AGR3: variants seen among roughly 807,000 people sequenced by gnomAD.
AGR3 encodes the protein anterior gradient 3, protein disulphide isomerase family member.
In AGR3, 37 loss-of-function variants were observed where a neutral mutation model predicts 24.5. The ratio of observed to expected loss-of-function variants is 1.51; its 90% CI spans 1.16 to 1.99. The LOEUF (loss-of-function observed/expected upper bound fraction) is 1.99, where lower values mean the gene tolerates loss of function less well. AGR3 is among the 30% of genes most tolerant of loss of function. AGR3 has a pLI of 0.00. For missense variants in AGR3, 228 were observed against 191.1 expected, an observed-to-expected ratio of 1.19 and a Z score of -1.14; for synonymous variants, 75 against 61.6, an observed-to-expected ratio of 1.22 and a Z score of -1.02.
downstream of AGR3, among the ~76,000 whole-genome samples, chr7:16,856,975 G>A (rs1031782736): frequency 2.9e-5 from 3 of 103,710 alleles, no homozygotes; most frequent in African/African-American, 1.3e-4. Context: ...AATATAGAAA[G>A]GTTTTTTTTT....
chr7:16,875,019 G>A (rs1032000469), intron 2 of AGR3, among the ~76,000 whole-genome samples: 5 of 151,764 alleles, frequency 3.3e-5, no homozygotes, highest in African/African-American at 9.7e-5. Flanking sequence ...GGGAGGCTGA[G>A]GCAGGAGAAT....
At chr7:16,860,640 T>C in intron 6 of AGR3, 57 bp from the exon 7 acceptor site, 1 of 1,252,890 alleles carries the variant, frequency 8.0e-7, no homozygotes, top group East Asian at 2.3e-5. Context: ...TTTTCTTTAC[T>C]CTTGTAAAAA....
chr7:16,878,678 T>C lies in AGR3; in HGVS notation c.-27-33A>G. 5 of 1,406,134 alleles carry C rather than the reference T, an allele frequency of 3.6e-6. No individual in the cohort carries two copies. In the South Asian group the frequency reaches 5.8e-5, roughly 16 times the overall value. 87.1% of individuals were successfully genotyped at this position (1,406,134 alleles called of 1,614,324 possible). ...ACAGAAAGGAATTCTCAGAATCCAG[T>C]GAATTACTTCAAGCTATTATTAGAA... is the stretch of plus-strand genomic sequence containing the variant. On this transcript the variant is annotated intron_variant, in intron 1 of 7. Transcript: ENST00000310398.
At chr7:16,881,665 TAAAAG>T (rs1782118847) in intron 1 of AGR3, among the ~76,000 whole-genome samples, 1 of 152,178 alleles carries the variant, frequency 6.6e-6, no homozygotes, top group Non-Finnish European at 1.5e-5. Context: ...AAACAAGACT[TAAAAG>T]AATATAAAGA....
chr7:16,857,846 G>A (rs1409969476), downstream of AGR3, among the ~76,000 whole-genome samples: 1 of 151,968 alleles, frequency 6.6e-6, no homozygotes, highest in East Asian at 1.9e-4. Context: ...CTCATCAAAT[G>A]TTGAAATTAC....
Position 16,873,922 on chromosome 7 carries a change from T to C in AGR3, c.110-79A>G, listed in dbSNP as rs1781934819. On this transcript the variant is annotated intron_variant, in intron 2 of 7. Transcript: ENST00000310398. The stretch of plus-strand genomic sequence containing the variant: ...GAAATGGGTATCTAATAATCAGATA[T>C]CTACCTACAGATATTTAACTAAGCC... 2.3e-5 allele frequency: 25 copies of C among 1,094,410 alleles called. 1 individual carries two copies. Among genetic ancestry groups the C allele is most frequent in the Non-Finnish European group, 2.9e-5 (21 of 722,296 alleles). 67.8% of individuals were successfully genotyped at this position (1,094,410 alleles called of 1,614,324 possible).
At chr7:16,870,903 A>T (rs113015579) in intron 3 of AGR3, among the ~76,000 whole-genome samples, 6 of 152,214 alleles carry the variant, frequency 3.9e-5, no homozygotes, top group African/African-American at 1.2e-4. Context: ...TTGGAATCTT[A>T]ATTTATCTTT....
At chr7:16,880,100 C>T (rs1293866826) in intron 1 of AGR3, among the ~76,000 whole-genome samples, 9 of 137,562 alleles carry the variant, frequency 6.5e-5, no homozygotes, top group Non-Finnish European at 9.6e-5. Context: ...TCCTTCCTTC[C>T]TTCCTTCTTT....
intron 1 of AGR3, among the ~76,000 whole-genome samples, chr7:16,880,174 CTTTTTTTTTTTT>C (rs148378416): frequency 8.6e-6 from 1 of 116,456 alleles, no homozygotes; most frequent in Admixed American, 9.1e-5. Flanking sequence ...TCCTTTCTTT[CTTTTTTTTTTTT>C]TTTTGCTCTT....
In AGR3 at chr7:16,878,535, C is replaced by G. The variant is rs777751150; in HGVS notation, c.84G>C (p.Lys28Asn). ...CTCTTGAGAGTGTCTGAGGAGGCCT[C>G]TTTTCCTTTTTTATTGCAATGGCAA... Reference protein sequence around the residue: ...SNLAIAIKKEKRPPQTLSRGW... With the variant: ...SNLAIAIKKENRPPQTLSRGW... The change falls in exon 2 of 8, where the codon AAG becomes AAC. Residue 28 changes from lysine to asparagine, a missense_variant. Coordinates refer to ENST00000310398, the MANE Select transcript of AGR3 (RefSeq NM_176813.5). 6.2e-7 allele frequency: 1 copy of G among 1,614,044 alleles called. No individual in the cohort carries two copies. The highest frequency in any genetic ancestry group is 8.5e-7 in the Non-Finnish European group (1 of 1,179,974).
intron 2 of AGR3, among the ~76,000 whole-genome samples, 200 bp downstream of exon 2, chr7:16,878,310 T>C (rs4376413): frequency 0.91 from 137,796 of 152,200 alleles, 62,812 homozygotes; most frequent in Non-Finnish European, 0.96. Flanking sequence ...ATTTATGTTA[T>C]TGTTTGCTAG....
At chr7:16,856,438 A>T (rs1397814615), downstream of AGR3, among the ~76,000 whole-genome samples, 1 of 152,226 alleles carries the variant, frequency 6.6e-6, no homozygotes, top group Admixed American at 6.5e-5. Flanking sequence ...AGTTTACTTT[A>T]AAATATCACA....
intron 3 of AGR3, among the ~76,000 whole-genome samples, chr7:16,867,571 C>T (rs528573612): frequency 2.0e-5 from 3 of 152,208 alleles, no homozygotes; most frequent in African/African-American, 4.8e-5. Flanking sequence ...TTGTTATTAA[C>T]TATTATTCCC....
chr7:16,872,290 A>G (rs1781880429), intron 3 of AGR3, among the ~76,000 whole-genome samples: 2 of 152,224 alleles, frequency 1.3e-5, no homozygotes, highest in African/African-American at 4.8e-5. Flanking sequence ...TAGAGAACCC[A>G]GAAATAAATC....
At chr7:16,878,467 A>G in intron 2 of AGR3, 43 bp downstream of exon 2, 1 of 1,549,560 alleles carries the variant, frequency 6.5e-7, no homozygotes, top group Middle Eastern at 1.7e-4. Context: ...TTAAAAAGCA[A>G]TCCAAATGAC....
intron 3 of AGR3, 68 bp downstream of exon 3, chr7:16,873,712 T>C: frequency 8.1e-7 from 1 of 1,242,074 alleles, no homozygotes; most frequent in Middle Eastern, 1.9e-4. Flanking sequence ...CTATATTCCA[T>C]AAATATGTAC....
At chr7:16,855,150 G>A (rs750271896), downstream of AGR3, among the ~76,000 whole-genome samples, 3 of 152,054 alleles carry the variant, frequency 2.0e-5, no homozygotes, top group Non-Finnish European at 4.4e-5. Context: ...ATATCTTCTA[G>A]CTATTTGAAA....
Position 16,873,834 on chromosome 7 carries a change from TCTC to T in AGR3, c.116_118del (p.Gly39del). ...ATAAGTTTGTACCCAAGTGATGTCA[TCTC>T]CCCATCCTGAAATAGAAGAGAGAAA... On this transcript the variant is annotated inframe_deletion, in exon 3 of 8. Coordinates refer to ENST00000310398, the MANE Select transcript of AGR3 (RefSeq NM_176813.5). 1.9e-6 allele frequency: 3 copies of T among 1,612,662 alleles called. No homozygotes were observed. Among genetic ancestry groups the T allele is most frequent in the Non-Finnish European group, 2.5e-6 (3 of 1,179,022 alleles).
intron 3 of AGR3, chr7:16,866,183 C>T: frequency 1.9e-6 from 1 of 529,190 alleles, no homozygotes; most frequent in South Asian, 1.5e-5. Flanking sequence ...TTGAGTTATT[C>T]ACACCTAATG....
Sources: allele counts gnomAD v4.1 joint callset (sites outside exome capture counted in the v4.1 genomes callset), GRCh38; gene constraint gnomAD v4.1.1; transcripts MANE v1.5; gene names NCBI Gene and HGNC (gene_info 2026-07-23, HGNC 2026-07-21).